PLIN4: variants seen among roughly 807,000 people sequenced by gnomAD.
The protein encoded by PLIN4 is perilipin-4.
PLIN4 carries 57 observed loss-of-function variants against 52.4 expected under a neutral mutation model. The observed-to-expected ratio is 1.09, with a 90% CI of 0.88 to 1.36. The LOEUF (loss-of-function observed/expected upper bound fraction) is 1.36, where lower values mean the gene tolerates loss of function less well. Among genes scored for constraint, PLIN4 ranks in the 40% most tolerant of loss-of-function variants. PLIN4 has a pLI of 0.00. For synonymous variants in PLIN4, 826 were observed against 785.4 expected, an observed-to-expected ratio of 1.05 and a Z score of -0.86; for missense variants, 1,757 against 1,770.3, an observed-to-expected ratio of 0.99 and a Z score of 0.13.
intron 4 of PLIN4, among the ~76,000 whole-genome samples, chr19:4,514,571 C>T (rs1225259169): frequency 3.3e-5 from 5 of 151,286 alleles, no homozygotes; most frequent in Non-Finnish European, 5.9e-5. Flanking sequence ...TAAAAAAATA[C>T]AAAAAATTAG....
At chr19:4,507,934 G>C (rs1976144384) in intron 6 of PLIN4, among the ~76,000 whole-genome samples, 2 of 152,266 alleles carry the variant, frequency 1.3e-5, no homozygotes, top group South Asian at 4.2e-4. Flanking sequence ...CAGTGGGAGG[G>C]GTGGACGACT....
In PLIN4 at chr19:4,506,541, G is replaced by A. The variant is rs531305512; in HGVS notation, c.3703-1594C>T. On this transcript the variant is annotated intron_variant, in intron 6 of 7. Coordinates refer to ENST00000301286, the MANE Select transcript of PLIN4 (RefSeq NM_001367868.2). The stretch of plus-strand genomic sequence containing the variant: ...AACCATGGCGCCCCCCACCCCCCAA[G>A]GGCAGGCCTGGATATCCAGGGTCTT... Among the ~76,000 whole-genome samples, 77 of 152,156 alleles carry A rather than the reference G, an allele frequency of 5.1e-4. 1 individual carries two copies. Among genetic ancestry groups the A allele is most frequent in the African/African-American group, 1.7e-3 (72 of 41,496 alleles).
Position 4,512,008 on chromosome 19 carries a change from G to A in PLIN4, c.1952C>T (p.Thr651Ile), listed in dbSNP as rs375606798. Residue 651 changes from threonine to isoleucine, a missense_variant, in exon 5 of 8, where the codon ACT becomes ATT. Transcript: ENST00000301286. Reference protein sequence around the residue: ...AVNVAKGAVQTGLKTTQNIAT... With the variant: ...AVNVAKGAVQIGLKTTQNIAT... ...GATATTTTGGGTCGTTTTCAGCCCA[G>A]TTTGCACAGCCCCCTTGGCCACGTT... 84 of 1,611,220 alleles carry A rather than the reference G, an allele frequency of 5.2e-5. No individual in the cohort carries two copies. Among genetic ancestry groups the A allele is most frequent in the Non-Finnish European group, 6.7e-5 (79 of 1,178,906 alleles).
In PLIN4 at chr19:4,508,811, T is replaced by C. The variant is rs753571266; in HGVS notation, c.3659A>G (p.Gln1220Arg). Reference protein sequence around the residue: ...AVSHLQHGQFQARDTLAQLQD... With the variant: ...AVSHLQHGQFRARDTLAQLQD... ...GAGCTGGGCCAGAGTGTCCCTGGCTTGGAACTGGCCGTGCTGCAGGTGGCT... is the reference window on the plus strand; with the variant it reads ...GAGCTGGGCCAGAGTGTCCCTGGCTCGGAACTGGCCGTGCTGCAGGTGGCT... Residue 1220 changes from glutamine to arginine, a missense_variant, in exon 6 of 8, where the codon CAA becomes CGA. This residue lies in a region of PLIN4 where 712 missense variants were observed against 637.1 expected (regional missense o/e 1.12). Transcript: ENST00000301286. The C allele has an allele frequency of 4.4e-6, 7 of 1,600,116 alleles. No individual in the cohort carries two copies. Among genetic ancestry groups the C allele is most frequent in the Non-Finnish European group, 6.0e-6 (7 of 1,173,812 alleles).
In PLIN4 at chr19:4,503,739, C is replaced by G. The variant is rs1484644656; in HGVS notation, c.*720G>C. Reference sequence around the variant, plus strand: ...GCCTGTTTGCTTGTTTTTTGCACCCCCCACCCCCTGCAAACTGCTCAGTCT... The same window carrying G: ...GCCTGTTTGCTTGTTTTTTGCACCCGCCACCCCCTGCAAACTGCTCAGTCT... On this transcript the variant is annotated 3_prime_UTR_variant, in exon 8 of 8. Transcript: ENST00000301286. The G allele has an allele frequency of 6.5e-6, 1 of 152,974 alleles. No homozygotes were observed. Among genetic ancestry groups the G allele is most frequent in the African/African-American group, 2.4e-5 (1 of 41,436 alleles). 9.5% of individuals were successfully genotyped at this position (152,974 alleles called of 1,614,324 possible).
chr19:4,513,624 G>A lies in PLIN4; in HGVS notation c.336C>T (p.Ser112=), dbSNP rs201431463. The A allele has an allele frequency of 7.8e-5, 126 of 1,609,598 alleles. 1 individual carries two copies. The South Asian group carries it at 1.1e-3, about 14-fold the overall frequency. The part of the protein sequence containing the change: ...AKDAVSSGVA[S]VVDVAKGVVQ... ...CCACTCCCTTAGCCACGTCCACCAC[G>A]CTGGCCACCCCGGAGGACACGGCAT... is the stretch of plus-strand genomic sequence containing the variant. The change falls in exon 5 of 8, where the codon AGC becomes AGT. Residue 112 remains serine, a synonymous_variant. Transcript: ENST00000301286.
At chr19:4,516,756 C>T in intron 3 of PLIN4, 78 bp from the exon 4 acceptor site, 7 of 1,340,146 alleles carry the variant, frequency 5.2e-6, no homozygotes, top group Non-Finnish European at 7.0e-6. Context: ...TGCACAATAG[C>T]CAGGCACAGC....
rs745318896 is a variant in PLIN4 at position 4,512,436 on chromosome 19, C to T, written c.1524G>A (p.Gly508=). ...CGGTCCCTTTGGCCACGTTCACAGC[C>T]CCTGTGAGCCCAGTGGACACAGCAT... The part of the protein sequence containing the change: ...TKDAVSTGLT[G]AVNVAKGTVQ... The change falls in exon 5 of 8, where the codon GGG becomes GGA. Residue 508 remains glycine, a synonymous_variant. Transcript: ENST00000301286. 1.1e-5 allele frequency: 17 copies of T among 1,608,012 alleles called. No homozygotes were observed. In the South Asian group the frequency reaches 1.2e-4, roughly 11 times the overall value.
At chr19:4,508,979 A>G (rs375554967) in intron 5 of PLIN4, 24 bp from the exon 6 acceptor site, 1 of 1,594,476 alleles carries the variant, frequency 6.3e-7, no homozygotes, top group African/African-American at 1.3e-5. Flanking sequence ...CGCACCGCTC[A>G]GTCCCGGAAG....
rs775537941 is a variant in PLIN4, at chr19:4,508,912, C to T, written c.3558G>A (p.Ala1186=). Residue 1186 remains alanine, a synonymous_variant, in exon 6 of 8, where the codon GCG becomes GCA. Transcript: ENST00000301286. Reference sequence around the variant, plus strand: ...AACGAACGAAGTAGCTCCCCTGTTCCGCCGACAGCACCTTTGGCCCAGGCT... The same window carrying T: ...AACGAACGAAGTAGCTCCCCTGTTCTGCCGACAGCACCTTTGGCCCAGGCT... ...ASQPGPKVLS[A]EQGSYFVRLG... The T allele has an allele frequency of 1.2e-5, 19 of 1,612,812 alleles. No homozygotes were observed. Among genetic ancestry groups the T allele is most frequent in the Middle Eastern group, 1.6e-4 (1 of 6,084 alleles).
rs745305910 is a variant in PLIN4 at position 4,512,967 on chromosome 19, T to G, written c.993A>C (p.Thr331=). Residue 331 remains threonine (T), a synonymous_variant, in exon 5 of 8, where the codon ACA becomes ACC. Transcript: ENST00000301286. ...TGVDTSKTVL[T]GTKDTVCSGV... is the part of the protein sequence containing the mutation. ...CACTACAGACGGTGTCCTTGGTACC[T>G]GTTAGGACAGTCTTACTGGTGTCCA... The G allele has an allele frequency of 1.5e-6, 1 of 662,228 alleles. No homozygotes were observed. The highest frequency in any genetic ancestry group is 2.6e-6 in the Non-Finnish European group (1 of 379,632). 41.0% of individuals were successfully genotyped at this position (662,228 alleles called of 1,614,324 possible). A position where few individuals can be genotyped will look rare whatever the true frequency, so the allele number is the denominator to read the frequency against.
chr19:4,507,180 C>T, intron 6 of PLIN4, among the ~76,000 whole-genome samples: 1 of 152,254 alleles, frequency 6.6e-6, no homozygotes, highest in South Asian at 2.1e-4. Context: ...TGATGGAAAA[C>T]ACAGTGGCCT....
chr19:4,508,691 C>T (rs1976174719), intron 6 of PLIN4, 77 bp downstream of exon 6: 3 of 1,429,440 alleles, frequency 2.1e-6, no homozygotes, highest in African/African-American at 2.8e-5. Context: ...CAGTCAGTAT[C>T]TGCAGCTGGG....
rs1975980549 is a variant in PLIN4 at position 4,503,248 on chromosome 19, G to A, written c.*1211C>T. 6.6e-6 allele frequency: 1 copy of A among 152,486 alleles called. No homozygotes were observed. The highest frequency in any genetic ancestry group is 2.4e-5 in the African/African-American group (1 of 41,462). 9.4% of individuals were successfully genotyped at this position (152,486 alleles called of 1,614,324 possible). ...GGAGAGCATGGAAAGGGGACGACAA[G>A]GTTCTCTTACCGGGTGAGTGGGGAT... On this transcript the variant is annotated 3_prime_UTR_variant, in exon 8 of 8. Transcript: ENST00000301286.
intron 6 of PLIN4, 111 bp from the exon 7 acceptor site, chr19:4,505,058 G>A: frequency 1.0e-6 from 1 of 999,040 alleles, no homozygotes; most frequent in Non-Finnish European, 1.5e-6. Flanking sequence ...CTGGGAGAAA[G>A]GCCACGAGTT....
chr19:4,518,415 G>A lies in PLIN4; in HGVS notation c.-48C>T, dbSNP rs1242391182. The A allele has an allele frequency of 7.3e-6, 9 of 1,229,006 alleles. No homozygotes were observed. Among genetic ancestry groups the A allele is most frequent in the East Asian group, 3.2e-5 (1 of 31,588 alleles). 76.1% of individuals were successfully genotyped at this position (1,229,006 alleles called of 1,614,324 possible). Reference sequence around the variant, plus strand: ...GGCCTGGCCTCACCCTGGTGTCACCGAAGCAGACGCGGCCCCGCTCACCTG... The same window carrying A: ...GGCCTGGCCTCACCCTGGTGTCACCAAAGCAGACGCGGCCCCGCTCACCTG... On this transcript the variant is annotated 5_prime_UTR_variant, in exon 1 of 8. Transcript: ENST00000301286.
rs775511088 is a variant in PLIN4, at chr19:4,504,660, C to A, written c.3915G>T (p.Ala1305=). ...PAELQQPVGR[A]RHSLCELYGI... is the part of the protein sequence containing the mutation. ...CATAGAGCTCACAGAGGCTGTGCCG[C>A]GCCCGCCCCACTGGCTGCTGGAGCT... The change falls in exon 8 of 8, where the codon GCG becomes GCT. Residue 1305 remains alanine (A), a synonymous_variant. Coordinates refer to ENST00000301286, the MANE Select transcript of PLIN4 (RefSeq NM_001367868.2). 1 of 1,602,860 alleles carries A rather than the reference C, an allele frequency of 6.2e-7. No homozygotes were observed.
At chr19:4,517,437 GCACA>G in intron 3 of PLIN4, 113 bp downstream of exon 3, 1 of 1,277,952 alleles carries the variant, frequency 7.8e-7, no homozygotes, top group Non-Finnish European at 1.1e-6. Flanking sequence ...TCTGATGAGA[GCACA>G]CAGACAAATA....
At chr19:4,514,117 G>T (rs543527558) in intron 4 of PLIN4, among the ~76,000 whole-genome samples, 1 of 152,304 alleles carries the variant, frequency 6.6e-6, no homozygotes, top group South Asian at 2.1e-4. Context: ...GTTGAGCCTG[G>T]CGTCCCAGGG....
Sources: allele counts gnomAD v4.1 joint callset (sites outside exome capture counted in the v4.1 genomes callset), GRCh38; gene constraint gnomAD v4.1.1; regional missense constraint gnomAD v4.1.1; transcripts MANE v1.5; gene names NCBI Gene and HGNC (gene_info 2026-07-23, HGNC 2026-07-21).